CFAP299: variants seen among roughly 807,000 people sequenced by gnomAD.
The protein encoded by CFAP299 is cilia and flagella associated protein 299, also known as cilia- and flagella-associated protein 299.
In CFAP299, 21 loss-of-function variants were observed where a neutral mutation model predicts 27.0. That is an observed-to-expected ratio of 0.78 (90% CI 0.55 to 1.12). The LOEUF is 1.12. Among genes scored for constraint, CFAP299 ranks in the 50% most tolerant of loss-of-function variants. The pLI is 0.00. For missense variants in CFAP299, 310 were observed against 276.6 expected, an observed-to-expected ratio of 1.12 and a Z score of -0.86; for synonymous variants, 104 against 98.1, an observed-to-expected ratio of 1.06 and a Z score of -0.36.
chr4:80,934,094 T>A (rs575370928), intron 4 of CFAP299, among the ~76,000 whole-genome samples: 145 of 152,224 alleles, frequency 9.5e-4, no homozygotes, highest in Non-Finnish European at 1.8e-3. Context: ...TGTGTTGAAG[T>A]GCATTCCTTC....
At chr4:80,423,567 G>T (rs905059131) in intron 2 of CFAP299, among the ~76,000 whole-genome samples, 1 of 152,164 alleles carries the variant, frequency 6.6e-6, no homozygotes, top group South Asian at 2.1e-4. Context: ...CTCTCTGGGA[G>T]CTCTCTGACC....
At chr4:80,683,893 T>A (rs190949997) in intron 3 of CFAP299, among the ~76,000 whole-genome samples, 1 of 152,378 alleles carries the variant, frequency 6.6e-6, no homozygotes. Flanking sequence ...ATCTAGTGCA[T>A]TTCATTTTCT....
At chr4:80,591,104 A>ATT (rs1339201630) in intron 3 of CFAP299, among the ~76,000 whole-genome samples, 12,523 of 116,106 alleles carry the variant, frequency 0.11, 2,049 homozygotes, top group Non-Finnish European at 0.15. Context: ...TACTTTAGGA[A>ATT]ATTTTTTTTT....
chr4:80,717,494 T>A (rs1722556012), intron 3 of CFAP299, among the ~76,000 whole-genome samples: 2 of 152,178 alleles, frequency 1.3e-5, no homozygotes, highest in South Asian at 4.1e-4. Flanking sequence ...ATATGACTAC[T>A]AGTCTTTTTC....
At chr4:80,443,986 C>G (rs1253265476) in intron 2 of CFAP299, among the ~76,000 whole-genome samples, 1 of 152,046 alleles carries the variant, frequency 6.6e-6, no homozygotes, top group Non-Finnish European at 1.5e-5. Flanking sequence ...AGTGAAGGAC[C>G]TCTTCAAGGA....
At chr4:80,627,904 A>G (rs946739791) in intron 3 of CFAP299, among the ~76,000 whole-genome samples, 1 of 152,114 alleles carries the variant, frequency 6.6e-6, no homozygotes, top group South Asian at 2.1e-4. Flanking sequence ...ACATGTCCAT[A>G]CTACCCAAAG....
intron 2 of CFAP299, among the ~76,000 whole-genome samples, chr4:80,375,214 A>G (rs1331207506): frequency 6.6e-6 from 1 of 152,216 alleles, no homozygotes; most frequent in African/African-American, 2.4e-5. Flanking sequence ...GGTCCATAGA[A>G]GAGCACAAAG....
intron 3 of CFAP299, among the ~76,000 whole-genome samples, chr4:80,791,839 G>GATAT (rs563750669): frequency 4.7e-5 from 7 of 149,438 alleles, no homozygotes; most frequent in African/African-American, 1.2e-4. Context: ...CATATTGACA[G>GATAT]ATATATATAT....
At chr4:80,630,560 G>A (rs4146323) in intron 3 of CFAP299, among the ~76,000 whole-genome samples, 1 of 151,958 alleles carries the variant, frequency 6.6e-6, no homozygotes, top group African/African-American at 2.4e-5. Context: ...TTATAATATC[G>A]TAGAAAATAC....
intron 2 of CFAP299, among the ~76,000 whole-genome samples, chr4:80,534,194 T>A (rs1410648320): frequency 6.6e-6 from 1 of 151,932 alleles, no homozygotes; most frequent in African/African-American, 2.4e-5. Context: ...TTTATTTCTA[T>A]CTTTGATAAA....
At chr4:80,698,938 C>A (rs1009499433) in intron 3 of CFAP299, among the ~76,000 whole-genome samples, 5 of 152,108 alleles carry the variant, frequency 3.3e-5, no homozygotes, top group African/African-American at 1.2e-4. Flanking sequence ...GATTACAATT[C>A]AAGATGAGAT....
At chr4:80,414,511 T>G in intron 2 of CFAP299, among the ~76,000 whole-genome samples, 1 of 152,256 alleles carries the variant, frequency 6.6e-6, no homozygotes, top group East Asian at 1.9e-4. Flanking sequence ...TTAAAGTAGT[T>G]TTTCATCAAG....
At chr4:80,836,772 T>C (rs1190384124) in intron 3 of CFAP299, among the ~76,000 whole-genome samples, 1 of 152,156 alleles carries the variant, frequency 6.6e-6, no homozygotes, top group African/African-American at 2.4e-5. Context: ...TGCTACATAG[T>C]TTCTAGTTAT....
At chr4:80,528,935 C>T (rs1261250222) in intron 2 of CFAP299, among the ~76,000 whole-genome samples, 2 of 152,106 alleles carry the variant, frequency 1.3e-5, no homozygotes, top group African/African-American at 2.4e-5. Flanking sequence ...CTACCTTTGC[C>T]ACCTTGATGA....
At chr4:80,526,113 T>C (rs1733161777) in intron 2 of CFAP299, among the ~76,000 whole-genome samples, 1 of 152,204 alleles carries the variant, frequency 6.6e-6, no homozygotes, top group African/African-American at 2.4e-5. Flanking sequence ...TTAGCAGTTA[T>C]GTACCTCACA....
chr4:80,404,952 T>C (rs942398985), intron 2 of CFAP299, among the ~76,000 whole-genome samples: 3 of 152,218 alleles, frequency 2.0e-5, no homozygotes, highest in Non-Finnish European at 2.9e-5. Context: ...TCTTATTTTC[T>C]GATATTTTAA....
intron 4 of CFAP299, chr4:80,872,807 C>T (rs1414088230): frequency 1.4e-6 from 1 of 724,412 alleles, no homozygotes; most frequent in East Asian, 1.3e-4. Flanking sequence ...TTCAAGTGAG[C>T]TATTCTTTTT....
intron 2 of CFAP299, among the ~76,000 whole-genome samples, chr4:80,543,076 G>C (rs1316756815): frequency 6.6e-6 from 1 of 152,168 alleles, no homozygotes; most frequent in Non-Finnish European, 1.5e-5. Context: ...TAGGGTTAGA[G>C]CACACAGTTC....
intron 2 of CFAP299, among the ~76,000 whole-genome samples, chr4:80,425,500 T>C (rs1321110039): frequency 6.6e-6 from 1 of 152,214 alleles, no homozygotes; most frequent in Non-Finnish European, 1.5e-5. Context: ...CACCCCTTCC[T>C]TTTCCTTGGG....
Sources: gnomAD v4.1 joint callset for allele counts (sites outside exome capture counted in the v4.1 genomes callset) on GRCh38, gnomAD v4.1.1 for gene constraint, MANE v1.5 for transcripts, NCBI Gene and HGNC (gene_info 2026-07-23, HGNC 2026-07-21) for gene names.